Variants in GPC5 observed in about 807,000 individuals in gnomAD.
GPC5 encodes the protein glypican-5.
GPC5 carries 47 observed loss-of-function variants against 53.9 expected under a neutral mutation model. That is an observed-to-expected ratio of 0.87 (90% confidence interval 0.69 to 1.11). The LOEUF is 1.11. GPC5 is among the 50% of genes most tolerant of loss of function. GPC5 has a pLI of 0.00. For synonymous variants in GPC5, 286 were observed against 263.3 expected, an observed-to-expected ratio of 1.09 and a Z score of -0.84; for missense variants, 748 against 713.1, an observed-to-expected ratio of 1.05 and a Z score of -0.56.
At chr13:91,665,018 C>T (rs2035074116) in intron 2 of GPC5, among the ~76,000 whole-genome samples, 1 of 152,146 alleles carries the variant, frequency 6.6e-6, no homozygotes, top group Non-Finnish European at 1.5e-5. Flanking sequence ...AAATTATTCT[C>T]ATTAGATATG....
At chr13:92,324,810 T>G (rs1005005207) in intron 7 of GPC5, among the ~76,000 whole-genome samples, 45 of 151,904 alleles carry the variant, frequency 3.0e-4, no homozygotes, top group African/African-American at 1.0e-3. Flanking sequence ...AATCTGAAAA[T>G]GCTATCATAG....
At chr13:91,466,842 T>C (rs941746321) in intron 2 of GPC5, among the ~76,000 whole-genome samples, 1 of 152,184 alleles carries the variant, frequency 6.6e-6, no homozygotes, top group East Asian at 1.9e-4. Flanking sequence ...GAAGTTCTTT[T>C]GAAAATTCTA....
intron 2 of GPC5, among the ~76,000 whole-genome samples, chr13:91,617,986 T>C (rs1249777119): frequency 6.6e-6 from 1 of 152,146 alleles, no homozygotes; most frequent in African/African-American, 2.4e-5. Context: ...CTCCTCCTTC[T>C]TCTATTTTTG....
At chr13:91,676,072 G>T (rs1252227207) in intron 2 of GPC5, among the ~76,000 whole-genome samples, 1 of 152,104 alleles carries the variant, frequency 6.6e-6, no homozygotes, top group Non-Finnish European at 1.5e-5. Context: ...TTGTTTGTTT[G>T]TTTGTTTTTG....
chr13:92,166,942 TCTCTCTCTCTCTCTCACACA>T (rs1187416607), intron 7 of GPC5, among the ~76,000 whole-genome samples: 32 of 110,520 alleles, frequency 2.9e-4, no homozygotes, highest in African/African-American at 1.0e-3. Flanking sequence ...TCTCTCTCTC[TCTCTCTCTCTCTCTCACACA>T]CACACACACA....
At chr13:91,952,882 G>A (rs2040040530) in intron 6 of GPC5, among the ~76,000 whole-genome samples, 1 of 152,068 alleles carries the variant, frequency 6.6e-6, no homozygotes, top group South Asian at 2.1e-4. Flanking sequence ...TTTTGATGAT[G>A]TATTACTCTG....
At chr13:92,349,213 G>A (rs9589519) in intron 7 of GPC5, among the ~76,000 whole-genome samples, 6 of 152,038 alleles carry the variant, frequency 3.9e-5, no homozygotes, top group South Asian at 2.1e-4. Context: ...GCACGATCTC[G>A]GCTCACTGCA....
At chr13:92,685,140 G>C (rs775513186) in intron 7 of GPC5, among the ~76,000 whole-genome samples, 24 of 151,358 alleles carry the variant, frequency 1.6e-4, no homozygotes, top group Non-Finnish European at 2.6e-4. Flanking sequence ...ACCCATGCTA[G>C]AGTGCAGTGG....
At chr13:92,429,753 G>A (rs1476958596) in intron 7 of GPC5, among the ~76,000 whole-genome samples, 6 of 152,040 alleles carry the variant, frequency 3.9e-5, no homozygotes, top group African/African-American at 1.4e-4. Flanking sequence ...AACACTAGAT[G>A]GATAGGTAAG....
chr13:91,513,630 G>T, intron 2 of GPC5, among the ~76,000 whole-genome samples: 1 of 152,072 alleles, frequency 6.6e-6, no homozygotes. Flanking sequence ...GGTCCCAGCT[G>T]CTCTGGAGGC....
At chr13:91,680,603 A>G (rs1481544271) in intron 2 of GPC5, among the ~76,000 whole-genome samples, 1 of 152,226 alleles carries the variant, frequency 6.6e-6, no homozygotes, top group African/African-American at 2.4e-5. Flanking sequence ...ATGCTTTTAG[A>G]TTCTGTATTG....
intron 5 of GPC5, among the ~76,000 whole-genome samples, chr13:91,883,156 G>A (rs939980139): frequency 6.6e-5 from 10 of 152,128 alleles, no homozygotes; most frequent in African/African-American, 2.4e-4. Flanking sequence ...TTATAAATTG[G>A]TGGGGTTGTC....
chr13:92,283,000 T>G (rs549111461), intron 7 of GPC5, among the ~76,000 whole-genome samples: 30 of 152,160 alleles, frequency 2.0e-4, no homozygotes, highest in African/African-American at 6.3e-4. Context: ...AGGAGACCCA[T>G]CTCACATGCA....
intron 7 of GPC5, among the ~76,000 whole-genome samples, chr13:92,151,111 C>T (rs1038408314): frequency 2.6e-5 from 4 of 151,934 alleles, no homozygotes; most frequent in Admixed American, 6.6e-5. Flanking sequence ...GGTATATCTT[C>T]GGGTCTTTAA....
intron 5 of GPC5, among the ~76,000 whole-genome samples, chr13:91,819,967 T>C (rs2038464585): frequency 6.6e-6 from 1 of 152,314 alleles, no homozygotes; most frequent in South Asian, 2.1e-4. Flanking sequence ...TAATTTGTAT[T>C]TCCCTTATTT....
intron 7 of GPC5, among the ~76,000 whole-genome samples, chr13:92,496,223 G>T (rs1047986448): frequency 2.0e-5 from 3 of 152,040 alleles, no homozygotes; most frequent in African/African-American, 4.8e-5. Flanking sequence ...AAATTTATCA[G>T]AAATTATATG....
intron 2 of GPC5, among the ~76,000 whole-genome samples, chr13:91,581,802 C>T (rs575805482): frequency 2.0e-5 from 3 of 152,102 alleles, no homozygotes; most frequent in African/African-American, 7.2e-5. Flanking sequence ...CACACACACA[C>T]CCACACACAC....
intron 6 of GPC5, among the ~76,000 whole-genome samples, chr13:92,052,237 C>T (rs1175952923): frequency 2.0e-5 from 3 of 152,158 alleles, no homozygotes; most frequent in Non-Finnish European, 2.9e-5. Flanking sequence ...GGGTTATGTC[C>T]ACTAAGGTTG....
Position 92,866,435 on chromosome 13 carries a change from G to C in GPC5, c.1715G>C (p.Trp572Ser). 1 of 1,600,654 alleles carries C rather than the reference G, an allele frequency of 6.2e-7. No individual in the cohort carries two copies. The highest frequency in any genetic ancestry group is 8.5e-7 in the Non-Finnish European group (1 of 1,171,962). The part of the protein sequence containing the change: ...ISVVMLLPGI[W>S] ...GTGGTGATGTTACTTCCCGGGATTT[G>C]GTAACTGAACTCTTCTGTCCTGACA... Residue 572 changes from tryptophan to serine, a missense_variant, in exon 8 of 8, where the codon TGG becomes TCG. By Grantham distance (177) the Trp-to-Ser change is radical (BLOSUM62 -3). Transcript: ENST00000377067.
Sources: allele counts gnomAD v4.1 joint callset (sites outside exome capture counted in the v4.1 genomes callset), GRCh38; gene constraint gnomAD v4.1.1; transcripts MANE v1.5; gene names NCBI Gene and HGNC (gene_info 2026-07-23, HGNC 2026-07-21).